STXBP5: variants seen among roughly 807,000 people sequenced by gnomAD.
STXBP5 encodes the protein syntaxin binding protein 5.
A neutral mutation model predicts 152.4 loss-of-function variants in STXBP5; 50 were observed. That is an observed-to-expected ratio of 0.33 (90% CI 0.26 to 0.42). The LOEUF (loss-of-function observed/expected upper bound fraction) is 0.42. Among genes scored for constraint, STXBP5 ranks in the 10% least tolerant of loss-of-function variants. STXBP5 has a pLI of 1.00. For synonymous variants in STXBP5, 492 were observed against 494.7 expected, an observed-to-expected ratio of 0.99 and a Z score of 0.07; for missense variants, 1,167 against 1,388.6, an observed-to-expected ratio of 0.84 and a Z score of 2.54.
At chr6:147,218,428 C>T (rs1311466475) in intron 2 of STXBP5, among the ~76,000 whole-genome samples, 1 of 151,920 alleles carries the variant, frequency 6.6e-6, no homozygotes, top group Non-Finnish European at 1.5e-5. Flanking sequence ...TTAATTATTT[C>T]AAATTCCACT....
intron 4 of STXBP5, among the ~76,000 whole-genome samples, chr6:147,252,249 G>C (rs139437672): frequency 2.2e-4 from 33 of 152,242 alleles, no homozygotes; most frequent in Non-Finnish European, 4.6e-4. Flanking sequence ...GACAGAAGTA[G>C]GTTTCAGAAG....
intron 16 of STXBP5, among the ~76,000 whole-genome samples, chr6:147,321,580 A>G (rs1782938341): frequency 6.6e-6 from 1 of 152,210 alleles, no homozygotes; most frequent in Non-Finnish European, 1.5e-5. Context: ...TCTTAAAAAA[A>G]GAGGTAAAAA....
At chr6:147,290,915 G>C (rs1298884718) in intron 8 of STXBP5, among the ~76,000 whole-genome samples, 179 bp from the exon 9 acceptor site, 1 of 152,076 alleles carries the variant, frequency 6.6e-6, no homozygotes, top group Admixed American at 6.5e-5. Flanking sequence ...ATTTCAAACG[G>C]TAACTTTGCT....
At chr6:147,216,788 T>C (rs1361366945) in intron 2 of STXBP5, among the ~76,000 whole-genome samples, 1 of 152,182 alleles carries the variant, frequency 6.6e-6, no homozygotes, top group East Asian at 1.9e-4. Flanking sequence ...CCCAGAAAGG[T>C]TTTTAAATAA....
chr6:147,298,899 C>A (rs983544870), intron 9 of STXBP5, among the ~76,000 whole-genome samples: 2 of 151,900 alleles, frequency 1.3e-5, no homozygotes, highest in Non-Finnish European at 2.9e-5. Context: ...AATAGACAAC[C>A]TAACATTGCA....
At chr6:147,355,671 C>G (rs1053674729) in intron 22 of STXBP5, among the ~76,000 whole-genome samples, 6 of 152,092 alleles carry the variant, frequency 3.9e-5, no homozygotes, top group Admixed American at 6.6e-5. Flanking sequence ...GTCACTTAAT[C>G]TCTCTGAGCC....
chr6:147,316,045 C>G (rs1782626521), intron 15 of STXBP5, among the ~76,000 whole-genome samples, 184 bp from the exon 16 acceptor site: 1 of 152,052 alleles, frequency 6.6e-6, no homozygotes, highest in Non-Finnish European at 1.5e-5. Flanking sequence ...TGTGTGTACT[C>G]CCTGAGTCAA....
At chr6:147,335,056 C>A (rs1357370588) in intron 19 of STXBP5, among the ~76,000 whole-genome samples, 1 of 152,016 alleles carries the variant, frequency 6.6e-6, no homozygotes, top group African/African-American at 2.4e-5. Flanking sequence ...TTTATGTTTG[C>A]CTTTTACAAT....
At chr6:147,271,363 T>C (rs898540643) in intron 7 of STXBP5, among the ~76,000 whole-genome samples, 7 of 152,108 alleles carry the variant, frequency 4.6e-5, no homozygotes, top group Admixed American at 2.0e-4. Context: ...GAGTAGACAT[T>C]CTTTTCAGCT....
At chr6:147,332,716 C>G (rs749454144) in intron 18 of STXBP5, among the ~76,000 whole-genome samples, 1 of 152,062 alleles carries the variant, frequency 6.6e-6, no homozygotes, top group South Asian at 2.1e-4. Flanking sequence ...TGACTTTTAC[C>G]CTGAGTGAGA....
rs188878993 is a variant in STXBP5 at position 147,207,266 on chromosome 6, T to A, written c.248+1198T>A. The stretch of plus-strand genomic sequence containing the variant: ...GATAGATAATGCCTCAAGTTTTATT[T>A]GTCACTTAATGTGCTATCTTCAAAA... On this transcript the variant is annotated intron_variant, in intron 2 of 27. Coordinates refer to ENST00000321680, the MANE Select transcript of STXBP5 (RefSeq NM_001127715.4). Among the ~76,000 whole-genome samples, 343 of 152,316 alleles carry A rather than the reference T, an allele frequency of 2.3e-3. 1 individual carries two copies. The highest frequency in any genetic ancestry group is 7.8e-3 in the African/African-American group (326 of 41,578).
intron 9 of STXBP5, among the ~76,000 whole-genome samples, chr6:147,297,254 A>T (rs1781572338): frequency 6.6e-6 from 1 of 152,194 alleles, no homozygotes; most frequent in South Asian, 2.1e-4. Flanking sequence ...TTATCAACGG[A>T]TTTCTCAGCA....
chr6:147,369,058 G>T (rs1476069095), intron 25 of STXBP5, among the ~76,000 whole-genome samples: 1 of 151,728 alleles, frequency 6.6e-6, no homozygotes, highest in East Asian at 1.9e-4. Context: ...AAATGGAAGG[G>T]CTAACACTAC....
At chr6:147,215,884 C>T (rs1030251337) in intron 2 of STXBP5, among the ~76,000 whole-genome samples, 2 of 151,950 alleles carry the variant, frequency 1.3e-5, no homozygotes, top group Non-Finnish European at 2.9e-5. Flanking sequence ...AGCTTGACTT[C>T]CTAATTTTAA....
At chr6:147,357,535 T>C (rs1458601753) in intron 22 of STXBP5, among the ~76,000 whole-genome samples, 4 of 152,146 alleles carry the variant, frequency 2.6e-5, no homozygotes, top group African/African-American at 9.7e-5. Flanking sequence ...GCCACAGAAT[T>C]ATAACTATGC....
chr6:147,265,093 A>G (rs1374644239), intron 6 of STXBP5, among the ~76,000 whole-genome samples: 2 of 152,086 alleles, frequency 1.3e-5, no homozygotes, highest in Non-Finnish European at 2.9e-5. Context: ...TTATTCTCAA[A>G]TGCTGTATCA....
At chr6:147,340,087 A>G (rs921751901) in intron 21 of STXBP5, among the ~76,000 whole-genome samples, 1 of 152,056 alleles carries the variant, frequency 6.6e-6, no homozygotes, top group East Asian at 1.9e-4. Flanking sequence ...CTTTTAGAAA[A>G]AGAGGATAAA....
intron 8 of STXBP5, among the ~76,000 whole-genome samples, chr6:147,289,616 C>A (rs59163794): frequency 0.046 from 6,938 of 151,410 alleles, 405 homozygotes; most frequent in East Asian, 0.15. Flanking sequence ...AGGAAGATGA[C>A]GTAGAAGCAT....
intron 18 of STXBP5, among the ~76,000 whole-genome samples, chr6:147,331,107 A>C (rs1017731801): frequency 6.6e-6 from 1 of 152,116 alleles, no homozygotes; most frequent in Non-Finnish European, 1.5e-5. Flanking sequence ...CAGTTAATGG[A>C]TGTATTGTGT....
Sources: gnomAD v4.1 joint callset for allele counts (sites outside exome capture counted in the v4.1 genomes callset) on GRCh38, gnomAD v4.1.1 for gene constraint, MANE v1.5 for transcripts, NCBI Gene and HGNC (gene_info 2026-07-23, HGNC 2026-07-21) for gene names.